Variants in HSP90AB1 observed in about 807,000 individuals in gnomAD.
HSP90AB1 encodes the protein heat shock protein HSP 90-beta.
HSP90AB1 carries 17 observed loss-of-function variants against 67.8 expected under a neutral mutation model. The ratio of observed to expected loss-of-function variants is 0.25; its 90% CI spans 0.17 to 0.38. The LOEUF is 0.38. Among genes scored for constraint, HSP90AB1 ranks in the 10% least tolerant of loss-of-function variants. The probability of loss-of-function intolerance (pLI) is 1.00; values close to 1 mark genes in which losing one functional copy is unlikely to be tolerated. For missense variants in HSP90AB1, 690 were observed against 899.9 expected (o/e 0.77, Z 2.98); for synonymous variants, 390 against 312.9 (o/e 1.25, Z -2.60).
chr6:44,253,001 T>C, intron 10 of HSP90AB1, 44 bp from the exon 11 acceptor site: 2 of 1,522,986 alleles, frequency 1.3e-6, no homozygotes, highest in Non-Finnish European at 1.8e-6. Context: ...GTTTTCTCTT[T>C]CAAAGTGGTA....
chr6:44,251,764 C>T lies in HSP90AB1; in HGVS notation c.1342C>T (p.Arg448Cys), dbSNP rs550174286. The T allele has an allele frequency of 8.1e-6, 13 of 1,613,536 alleles. No homozygotes were observed. The highest frequency in any genetic ancestry group is 2.7e-5 in the African/African-American group (2 of 75,008). ...TGGAATCCACGAAGACTCCACTAAC[C>T]GCCGCCGCCTGTCTGAGCTGCTGCG... ...KLGIHEDSTN[R>C]RRLSELLRYH... Residue 448 changes from arginine to cysteine, a missense_variant, in exon 9 of 12, where the codon CGC becomes TGC. By Grantham distance (180) the Arg-to-Cys change is radical. This residue lies in a region of HSP90AB1 where 206 missense variants were observed against 221.4 expected (regional missense o/e 0.93). Coordinates refer to ENST00000371646, the MANE Select transcript of HSP90AB1 (RefSeq NM_007355.4).
intron 1 of HSP90AB1, 79 bp from the exon 2 acceptor site, chr6:44,248,531 GAACTCACTGTCTAAGGTCCT>G: frequency 9.0e-7 from 1 of 1,116,142 alleles, no homozygotes; most frequent in East Asian, 2.4e-5. Context: ...AAACCAGTCT[GAACTCACTGTCTAAGGTCCT>G]AACAAATGAT....
intron 1 of HSP90AB1, among the ~76,000 whole-genome samples, chr6:44,247,496 G>C (rs1780055939): frequency 6.6e-6 from 1 of 152,118 alleles, no homozygotes; most frequent in South Asian, 2.1e-4. Context: ...GGCCCGGGAC[G>C]CTGCCATTTT....
Position 44,251,093 on chromosome 6 carries a change from A to G in HSP90AB1, c.1003A>G (p.Ile335Val). ...GQLEFRALLF[I>V]PRRAPFDLFE... ...GTTGGAATTCAGGGCATTGCTATTT[A>G]TTCCTCGTCGGGCTCCCTTTGACCT... Residue 335 changes from isoleucine to valine, a missense_variant, in exon 7 of 12, where the codon ATT (isoleucine) becomes GTT (valine). Transcript: ENST00000371646. The G allele has an allele frequency of 6.2e-7, 1 of 1,614,118 alleles. No individual in the cohort carries two copies. Among genetic ancestry groups the G allele is most frequent in the Non-Finnish European group, 8.5e-7 (1 of 1,179,982 alleles).
In HSP90AB1 at chr6:44,251,176, C is replaced by T; in HGVS notation, c.1086C>T (p.Ile362=). ...AACTCTATGTCCGCCGTGTGTTCAT[C>T]ATGGACAGCTGTGATGAGTTGATAC... ...NIKLYVRRVF[I]MDSCDELIPE... is the part of the protein sequence containing the mutation. Residue 362 remains isoleucine (I), a synonymous_variant, in exon 7 of 12, where the codon ATC becomes ATT. Transcript: ENST00000371646. 6.2e-7 allele frequency: 1 copy of T among 1,614,190 alleles called. No homozygotes were observed. The highest frequency in any genetic ancestry group is 8.5e-7 in the Non-Finnish European group (1 of 1,180,030).
intron 1 of HSP90AB1, among the ~76,000 whole-genome samples, chr6:44,247,486 G>A (rs1048941769): frequency 6.6e-6 from 1 of 152,146 alleles, no homozygotes; most frequent in African/African-American, 2.4e-5. Flanking sequence ...GTGGCCGCGC[G>A]GCCCGGGACG....
chr6:44,250,721 A>T (rs1034648024), intron 6 of HSP90AB1, 122 bp downstream of exon 6: 1 of 660,928 alleles, frequency 1.5e-6, no homozygotes, highest in African/African-American at 1.8e-5. Flanking sequence ...TGTGATAGCC[A>T]TGTGATTTCA....
intron 5 of HSP90AB1, 35 bp downstream of exon 5, chr6:44,250,189 G>C (rs532522649): frequency 5.0e-6 from 8 of 1,613,624 alleles, no homozygotes; most frequent in Non-Finnish European, 6.8e-6. Context: ...TACACTTAAC[G>C]TGCAGGATGT....
At chr6:44,252,411 G>T in intron 10 of HSP90AB1, 144 bp downstream of exon 10, 1 of 730,860 alleles carries the variant, frequency 1.4e-6, no homozygotes, top group Non-Finnish European at 2.2e-6. Flanking sequence ...CTCTAGTCAG[G>T]TTTAAGGCTA....
chr6:44,247,390 G>C (rs921386813), intron 1 of HSP90AB1, among the ~76,000 whole-genome samples, 195 bp downstream of exon 1: 3 of 152,052 alleles, frequency 2.0e-5, no homozygotes, highest in Admixed American at 6.5e-5. Context: ...AGTGTGTTTG[G>C]GGGGTGGGGC....
Position 44,251,368 on chromosome 6 carries a change from G to C in HSP90AB1, c.1124-50G>C, listed in dbSNP as rs34072228. ...CCTTCTGTTTGAATCTGGGGACCAG[G>C]TCTGGTCTAGCTGTTTTTTACTGAG... is the stretch of plus-strand genomic sequence containing the variant. On this transcript the variant is annotated intron_variant, in intron 7 of 11. Transcript: ENST00000371646. The C allele has an allele frequency of 7.2e-4, 1,136 of 1,568,984 alleles. 10 individuals are homozygous for C. In the African/African-American group the frequency reaches 0.013, roughly 17 times the overall value.
chr6:44,250,009 T>C lies in HSP90AB1; in HGVS notation c.515-12T>C, dbSNP rs2153319508. On this transcript the variant is annotated splice_polypyrimidine_tract_variant and intron_variant, in intron 4 of 11. Transcript: ENST00000371646. ...TTTTACCCTGTTACACGCTTGTAAT[T>C]GACTCTTCTAGGTGAGCCCATTGGC... 1 of 1,614,008 alleles carries C rather than the reference T, an allele frequency of 6.2e-7. No homozygotes were observed. The highest frequency in any genetic ancestry group is 2.2e-5 in the East Asian group (1 of 44,888).
At chr6:44,246,757 C>T (rs1779946080), upstream of HSP90AB1, among the ~76,000 whole-genome samples, 1 of 152,308 alleles carries the variant, frequency 6.6e-6, no homozygotes, top group Middle Eastern at 3.4e-3. Context: ...CAGTCCCGCC[C>T]TTGGGTGTGG....
intron 2 of HSP90AB1, 31 bp downstream of exon 2, chr6:44,248,807 G>GTTT (rs58519104): frequency 5.0e-5 from 70 of 1,391,736 alleles, no homozygotes; most frequent in Middle Eastern, 1.9e-4. Flanking sequence ...ATTTGGCATG[G>GTTT]TTTTTTTTTT....
intron 6 of HSP90AB1, among the ~76,000 whole-genome samples, 171 bp from the exon 7 acceptor site, chr6:44,250,877 A>G (rs929390593): frequency 6.6e-6 from 1 of 152,200 alleles, no homozygotes; most frequent in African/African-American, 2.4e-5. Flanking sequence ...TACAGCTAGT[A>G]CCCATCTAGA....
At chr6:44,250,755 G>A (rs1447431537) in intron 6 of HSP90AB1, among the ~76,000 whole-genome samples, 156 bp downstream of exon 6, 1 of 152,226 alleles carries the variant, frequency 6.6e-6, no homozygotes, top group Non-Finnish European at 1.5e-5. Context: ...CTGTCATAGT[G>A]AAGTGCCATC....
chr6:44,251,242 G>C (rs748813014), intron 7 of HSP90AB1, 29 bp downstream of exon 7: 3 of 1,612,354 alleles, frequency 1.9e-6, no homozygotes, highest in African/African-American at 2.7e-5. Flanking sequence ...TAATTTAGTT[G>C]GGTGAAGTCT....
intron 1 of HSP90AB1, chr6:44,247,769 G>C (rs1336442335): frequency 6.6e-6 from 1 of 152,360 alleles, no homozygotes; most frequent in South Asian, 2.1e-4. Context: ...GGGCGGGGAG[G>C]GGAGCAGGTT....
chr6:44,249,614 T>C (rs375952776), intron 3 of HSP90AB1, 31 bp downstream of exon 3: 179 of 1,611,252 alleles, frequency 1.1e-4, no homozygotes, highest in Middle Eastern at 3.3e-4. Context: ...TTCATACTTA[T>C]CTGTGTTCTT....
Sources: gnomAD v4.1 joint callset for allele counts (sites outside exome capture counted in the v4.1 genomes callset) on GRCh38, gnomAD v4.1.1 for gene constraint, gnomAD v4.1.1 regional missense constraint, MANE v1.5 for transcripts, NCBI Gene and HGNC (gene_info 2026-07-23, HGNC 2026-07-21) for gene names.